Variants in SLC4A8 observed in about 807,000 individuals in gnomAD.
SLC4A8 encodes the protein electroneutral sodium bicarbonate exchanger 1.
A neutral mutation model predicts 125.0 loss-of-function variants in SLC4A8; 40 were observed. The ratio of observed to expected loss-of-function variants is 0.32; its 90% confidence interval spans 0.25 to 0.42. The LOEUF is 0.42. Ranked by LOEUF, SLC4A8 falls within the 10% of genes least tolerant of loss-of-function variation. The pLI is 1.00. For missense variants in SLC4A8, 863 were observed against 1,355.1 expected, an observed-to-expected ratio of 0.64 and a Z score of 5.70; for synonymous variants, 456 against 476.0, an observed-to-expected ratio of 0.96 and a Z score of 0.55.
rs748881074 is a variant in SLC4A8 at position 51,475,223 on chromosome 12, T to TG, written c.2172+18dup. On this transcript the variant is annotated intron_variant, in intron 16 of 24. Transcript: ENST00000453097. ...CCAACCAGAGTAGGTAGCATGTTCATGCATTTCTTTCACGTTAGAATCAAA... is the reference window on the plus strand; with the variant it reads ...CCAACCAGAGTAGGTAGCATGTTCATGGCATTTCTTTCACGTTAGAATCAAA... The TG allele has an allele frequency of 3.1e-6, 5 of 1,612,408 alleles. No homozygotes were observed. In the African/African-American group the frequency reaches 5.3e-5, roughly 17 times the overall value.
At chr12:51,433,846 C>T (rs577621230) in intron 1 of SLC4A8, among the ~76,000 whole-genome samples, 2 of 142,080 alleles carry the variant, frequency 1.4e-5, no homozygotes, top group Non-Finnish European at 3.0e-5. Context: ...ATGAACACAC[C>T]ATCTGTTTTT....
rs771139268 is a variant in SLC4A8, at chr12:51,463,689, G to A, written c.1324G>A (p.Gly442Arg). 1.2e-6 allele frequency: 2 copies of A among 1,613,748 alleles called. No individual in the cohort carries two copies. Among genetic ancestry groups the A allele is most frequent in the South Asian group, 2.2e-5 (2 of 91,042 alleles). The change falls in exon 11 of 25, where the codon GGG becomes AGG. Residue 442 changes from glycine to arginine, a missense_variant. By Grantham distance (125) the Gly-to-Arg change is moderately radical (BLOSUM62 -2). Around this residue, in one of 6 missense-constraint regions of SLC4A8, gnomAD observed 390 missense variants for 634.4 expected, o/e 0.61. Transcript: ENST00000453097. The stretch of plus-strand genomic sequence containing the variant: ...ACAGGAACCACATGGGGGTCACAGT[G>A]GGCCAGAACTTCAGCGCACTGGGCG... ...IEQEPHGGHSGPELQRTGRLF... is the reference protein window; with the variant it reads ...IEQEPHGGHSRPELQRTGRLF...
At chr12:51,449,448 A>C (rs78393705) in intron 2 of SLC4A8, among the ~76,000 whole-genome samples, 14 of 151,566 alleles carry the variant, frequency 9.2e-5, no homozygotes, top group African/African-American at 3.4e-4. Flanking sequence ...AAAAAAAAAA[A>C]CTGATGCAAA....
Position 51,474,421 on chromosome 12 carries a change from G to A in SLC4A8, c.1984G>A (p.Val662Ile), listed in dbSNP as rs535943470. 1.2e-6 allele frequency: 2 copies of A among 1,613,760 alleles called. No individual in the cohort carries two copies. The highest frequency in any genetic ancestry group is 3.3e-5 in the Admixed American group (2 of 60,022). Reference protein sequence around the residue: ...WKDHNIVTAEVHWANLTVSEC... With the variant: ...WKDHNIVTAEIHWANLTVSEC... ...GGACCACAACATCGTGACAGCAGAA[G>A]TCCACTGGGCTAACCTGACTGTCAG... Residue 662 changes from valine to isoleucine, a missense_variant, in exon 15 of 25, where the codon GTC becomes ATC. Physicochemically the swap from Val to Ile is conservative, Grantham distance 29. Coordinates refer to ENST00000453097, the MANE Select transcript of SLC4A8 (RefSeq NM_001039960.3).
At position 51,457,190 on chromosome 12, in the gene SLC4A8, T is replaced by C. The variant is rs533826365; in HGVS notation, c.575-161T>C. Among the ~76,000 whole-genome samples, 12 of 152,318 alleles carry C rather than the reference T, an allele frequency of 7.9e-5. No homozygotes were observed. The South Asian group carries it at 2.3e-3, about 29-fold the overall frequency. On this transcript the variant is annotated intron_variant, in intron 5 of 24. Coordinates refer to ENST00000453097, the MANE Select transcript of SLC4A8 (RefSeq NM_001039960.3). ...GTATAACTTTTCACAGTCACTATCA[T>C]CAAATGGCACTTTCAGACAGGAAGC...
At chr12:51,441,051 A>C in intron 2 of SLC4A8, 1 of 1,139,144 alleles carries the variant, frequency 8.8e-7, no homozygotes, top group Non-Finnish European at 1.1e-6. Context: ...TATAAATATT[A>C]ACAAGTAACC....
In SLC4A8 at chr12:51,395,691, G is replaced by A. The variant is rs191952081; in HGVS notation, c.-112+4203G>A. Among the ~76,000 whole-genome samples, 19 of 152,262 alleles carry A rather than the reference G, an allele frequency of 1.2e-4. No individual in the cohort carries two copies. The East Asian group carries it at 3.5e-3, about 28-fold the overall frequency. Reference sequence around the variant, plus strand: ...GTGAACTTGCCAAGGAGGTTAGTAGGGAGGCCAGCTGGTCAACCTCCCTCT... The same window carrying A: ...GTGAACTTGCCAAGGAGGTTAGTAGAGAGGCCAGCTGGTCAACCTCCCTCT... On this transcript the variant is annotated intron_variant, in intron 1 of 24. Coordinates refer to the SLC4A8 transcript ENST00000358657.
intron 2 of SLC4A8, 44 bp downstream of exon 2, chr12:51,440,833 C>A (rs146128439): frequency 6.6e-7 from 1 of 1,513,428 alleles, no homozygotes; most frequent in Non-Finnish European, 9.0e-7. Flanking sequence ...TGGTGAGGGG[C>A]AGCCTGGTGT....
intron 23 of SLC4A8, 129 bp downstream of exon 23, chr12:51,504,249 T>G: frequency 1.5e-6 from 1 of 672,596 alleles, no homozygotes; most frequent in East Asian, 2.7e-5. Context: ...CCCAGTTCCA[T>G]CCTGTGAAAA....
rs267603507 is a variant in SLC4A8 at position 51,469,754 on chromosome 12, G to A, written c.1490G>A (p.Gly497Glu). 1 of 1,614,008 alleles carries A rather than the reference G, an allele frequency of 6.2e-7. No individual in the cohort carries two copies. The highest frequency in any genetic ancestry group is 8.5e-7 in the Non-Finnish European group (1 of 1,180,010). Reference protein sequence around the residue: ...CACMSPVITFGGLLGEATEGR... With the variant: ...CACMSPVITFEGLLGEATEGR... Reference sequence around the variant, plus strand: ...TGCATGTCACCTGTCATCACCTTTGGGGGACTGCTTGGAGAAGCCACTGAG... The same window carrying A: ...TGCATGTCACCTGTCATCACCTTTGAGGGACTGCTTGGAGAAGCCACTGAG... Residue 497 changes from glycine to glutamate, a missense_variant, in exon 12 of 25, where the codon GGG becomes GAG. By Grantham distance (98) the Gly-to-Glu change is moderately conservative. Around this residue, in one of 6 missense-constraint regions of SLC4A8, gnomAD observed 390 missense variants for 634.4 expected, o/e 0.61. Coordinates refer to ENST00000453097, the MANE Select transcript of SLC4A8 (RefSeq NM_001039960.3).
intron 1 of SLC4A8, among the ~76,000 whole-genome samples, chr12:51,433,883 G>GTTT (rs1949302739): frequency 4.2e-5 from 1 of 24,052 alleles, no homozygotes; most frequent in Non-Finnish European, 8.2e-5. Flanking sequence ...TTTTTTGGTT[G>GTTT]GTTTTTTTTT....
At chr12:51,394,647 C>G (rs1258472521) in intron 1 of SLC4A8, among the ~76,000 whole-genome samples, 1 of 152,058 alleles carries the variant, frequency 6.6e-6, no homozygotes, top group East Asian at 1.9e-4. Context: ...GACCCTGTCT[C>G]TACAAAAAAT....
chr12:51,440,655 A>G, intron 1 of SLC4A8, 53 bp from the exon 2 acceptor site: 5 of 1,362,130 alleles, frequency 3.7e-6, no homozygotes, highest in Non-Finnish European at 5.2e-6. Flanking sequence ...CAAGGTTTGT[A>G]TATTTGAACG....
chr12:51,489,523 TTTC>T (rs1951250395), intron 18 of SLC4A8, among the ~76,000 whole-genome samples, 174 bp from the exon 19 acceptor site: 1 of 152,172 alleles, frequency 6.6e-6, no homozygotes, highest in Non-Finnish European at 1.5e-5. Flanking sequence ...GATTCCCCTT[TTTC>T]TTCTTTGTTT....
chr12:51,442,322 T>C (rs1221745895), intron 2 of SLC4A8, among the ~76,000 whole-genome samples: 1 of 152,242 alleles, frequency 6.6e-6, no homozygotes, highest in Non-Finnish European at 1.5e-5. Flanking sequence ...CTCTACCCTC[T>C]CATTGCATCC....
chr12:51,453,462 T>A (rs2138197549), intron 4 of SLC4A8, 77 bp from the exon 5 acceptor site: 1 of 1,421,120 alleles, frequency 7.0e-7, no homozygotes. Context: ...TCTTCCTCTG[T>A]GGCTCACATC....
At chr12:51,495,323 A>G (rs2138418853) in intron 21 of SLC4A8, among the ~76,000 whole-genome samples, 1 of 152,044 alleles carries the variant, frequency 6.6e-6, no homozygotes, top group Middle Eastern at 3.4e-3. Flanking sequence ...TAAACACTAA[A>G]TTTCCATTCT....
chr12:51,436,763 A>T (rs1374346042), intron 1 of SLC4A8, among the ~76,000 whole-genome samples: 1 of 152,168 alleles, frequency 6.6e-6, no homozygotes, highest in Non-Finnish European at 1.5e-5. Context: ...AGTAGCTGGG[A>T]TTATAGGCGT....
chr12:51,474,604 C>G, intron 15 of SLC4A8, 157 bp downstream of exon 15: 1 of 1,339,862 alleles, frequency 7.5e-7, no homozygotes, highest in Non-Finnish European at 9.9e-7. Context: ...TTTATCCTTT[C>G]AGAATTTTTC....
Sources: gnomAD v4.1 joint callset for allele counts (sites outside exome capture counted in the v4.1 genomes callset) on GRCh38, gnomAD v4.1.1 for gene constraint, gnomAD v4.1.1 regional missense constraint, MANE v1.5 for transcripts, NCBI Gene and HGNC (gene_info 2026-07-23, HGNC 2026-07-21) for gene names.